ISG20: variants seen among roughly 807,000 people sequenced by gnomAD.
ISG20 encodes the protein interferon stimulated exonuclease gene 20.
Under a neutral mutation model 11.1 loss-of-function variants are expected in ISG20, and 8 were observed. The observed-to-expected ratio is 0.72, with a 90% CI of 0.42 to 1.30. ISG20 has a LOEUF of 1.30. Among genes scored for constraint, ISG20 ranks in the 50% most tolerant of loss-of-function variants. ISG20 has a pLI of 0.01. For missense variants in ISG20, 243 were observed against 250.2 expected (o/e 0.97, Z 0.19); for synonymous variants, 110 against 101.7 (o/e 1.08, Z -0.49).
chr15:88,647,422 C>T (rs2058197016), intron 2 of ISG20: 1 of 152,118 alleles, frequency 6.6e-6, no homozygotes, highest in Non-Finnish European at 1.5e-5. Flanking sequence ...CAGAGAGCTC[C>T]CAAACATCTC....
chr15:88,649,569 A>AT (rs2058237192), intron 2 of ISG20: 1 of 152,774 alleles, frequency 6.5e-6, no homozygotes, highest in African/African-American at 2.4e-5. Flanking sequence ...GAAAAGACAC[A>AT]TGACCCATGG....
chr15:88,642,632 T>C (rs2058101259), intron 2 of ISG20, among the ~76,000 whole-genome samples: 1 of 151,810 alleles, frequency 6.6e-6, no homozygotes, highest in South Asian at 2.1e-4. Context: ...TTGTTGTTGT[T>C]TTGAGACGAA....
chr15:88,650,453 C>T lies in ISG20; in HGVS notation c.229-1657C>T. The T allele has an allele frequency of 6.9e-7, 1 of 1,457,884 alleles. No individual in the cohort carries two copies. The highest frequency in any genetic ancestry group is 1.4e-5 in the South Asian group (1 of 70,946). 90.3% of individuals were successfully genotyped at this position (1,457,884 alleles called of 1,614,324 possible). ...GCGGGCTCTGGATTCATCCCACTGGCTTCAAGGCCTGGCTTTGCCACTAAC... is the reference window on the plus strand; with the variant it reads ...GCGGGCTCTGGATTCATCCCACTGGTTTCAAGGCCTGGCTTTGCCACTAAC... On this transcript the variant is annotated intron_variant, in intron 2 of 3. Transcript: ENST00000306072. The surrounding 1 kb of genome is among the most constrained non-coding windows in gnomAD (Gnocchi z 4.0).
In ISG20 at chr15:88,639,085, G is replaced by A. The variant is rs573193138; in HGVS notation, c.-25+9G>A. ...GGCGCAGAGGCAGGCAGGTGAGAGC[G>A]GGAGCTGGAGCAGCAGCTGGGGAGG... is the stretch of plus-strand genomic sequence containing the variant. On this transcript the variant is annotated intron_variant, in intron 1 of 3. Transcript: ENST00000306072. The surrounding 1 kb of genome is among the most constrained non-coding windows in gnomAD (Gnocchi z 4.2). 1.3e-5 allele frequency: 7 copies of A among 533,038 alleles called. No homozygotes were observed. The highest frequency in any genetic ancestry group is 7.0e-5 in the Admixed American group (2 of 28,376). The allele number at this position is 533,038 out of a possible 1,614,324, so 33.0% of individuals were successfully genotyped here. A position where few individuals can be genotyped will look rare whatever the true frequency, so the allele number is the denominator to read the frequency against.
chr15:88,641,139 C>T (rs1195161744), intron 2 of ISG20, among the ~76,000 whole-genome samples: 3 of 151,968 alleles, frequency 2.0e-5, no homozygotes, highest in Non-Finnish European at 2.9e-5. Flanking sequence ...ACTACAGGCA[C>T]CCGCCACCAT....
intron 2 of ISG20, chr15:88,647,926 G>A (rs1304928368): frequency 1.3e-5 from 2 of 152,136 alleles, no homozygotes; most frequent in African/African-American, 4.8e-5. Flanking sequence ...TCCTGTTGGG[G>A]CCCTGCCACC....
rs2058283566 is a variant in ISG20, at chr15:88,652,157, G to A, written c.276G>A (p.Lys92=). The A allele has an allele frequency of 2.5e-6, 4 of 1,613,958 alleles. No homozygotes were observed. The highest frequency in any genetic ancestry group is 1.7e-5 in the Admixed American group (1 of 59,996). The change falls in exon 3 of 4, where the codon AAG becomes AAA. Residue 92 remains lysine, a synonymous_variant. Coordinates refer to ENST00000306072, the MANE Select transcript of ISG20 (RefSeq NM_002201.6). ...KGKLVVGHDL[K]HDFQALKEDM... is the part of the protein sequence containing the mutation. ...AGCTGGTGGTGGGTCATGACCTGAA[G>A]CACGACTTCCAGGCACTGAAAGAGG...
In ISG20 at chr15:88,639,609, G is replaced by A. The variant is rs185261108; in HGVS notation, c.228+15G>A. 41 of 1,598,452 alleles carry A rather than the reference G, an allele frequency of 2.6e-5. No individual in the cohort carries two copies. Among genetic ancestry groups the A allele is most frequent in the Middle Eastern group, 3.3e-4 (2 of 6,036 alleles). Reference sequence around the variant, plus strand: ...CCAGGCTAGAGGTGAGTGAAGGCCCGGCCAGCAGGGGCTTTGGAAATAACC... The same window carrying A: ...CCAGGCTAGAGGTGAGTGAAGGCCCAGCCAGCAGGGGCTTTGGAAATAACC... On this transcript the variant is annotated intron_variant, in intron 2 of 3. Transcript: ENST00000306072. The surrounding 1 kb of genome is among the most constrained non-coding windows in gnomAD (Gnocchi z 4.2).
rs772378507 is a variant in ISG20 at position 88,650,269 on chromosome 15, G to A, written c.229-1841G>A. The A allele has an allele frequency of 1.3e-6, 2 of 1,535,694 alleles. No individual in the cohort carries two copies. The highest frequency in any genetic ancestry group is 1.7e-6 in the Non-Finnish European group (2 of 1,146,900). On this transcript the variant is annotated intron_variant, in intron 2 of 3. Coordinates refer to ENST00000306072, the MANE Select transcript of ISG20 (RefSeq NM_002201.6). This position sits in a 1 kb window ranked among gnomAD's most constrained non-coding sequence, Gnocchi z 4.0. Reference sequence around the variant, plus strand: ...CCATCCTCTCCAACGGCAGCTGAGTGAAAGCAAGCTGACTGGCCTGTGTGA... The same window carrying A: ...CCATCCTCTCCAACGGCAGCTGAGTAAAAGCAAGCTGACTGGCCTGTGTGA...
intron 2 of ISG20, among the ~76,000 whole-genome samples, chr15:88,640,616 T>G (rs1365403764): frequency 6.6e-6 from 1 of 152,190 alleles, no homozygotes; most frequent in Non-Finnish European, 1.5e-5. Flanking sequence ...TGTTGGGTTA[T>G]TGCGAGGATT....
intron 2 of ISG20, among the ~76,000 whole-genome samples, chr15:88,640,682 G>A (rs2058065307): frequency 6.6e-6 from 1 of 152,202 alleles, no homozygotes; most frequent in Non-Finnish European, 1.5e-5. Context: ...GTTAGCTATT[G>A]GCTGGGTGCA....
At position 88,639,599 on chromosome 15, in the gene ISG20, G is replaced by C; in HGVS notation, c.228+5G>C. 6.2e-7 allele frequency: 1 copy of C among 1,611,156 alleles called. No individual in the cohort carries two copies. The highest frequency in any genetic ancestry group is 8.5e-7 in the Non-Finnish European group (1 of 1,177,466). On this transcript the variant is annotated splice_donor_5th_base_variant and intron_variant, in intron 2 of 3. Coordinates refer to ENST00000306072, the MANE Select transcript of ISG20 (RefSeq NM_002201.6). This position sits in a 1 kb window ranked among gnomAD's most constrained non-coding sequence, Gnocchi z 4.2. The stretch of plus-strand genomic sequence containing the variant: ...TTTGCCGTGGCCAGGCTAGAGGTGA[G>C]TGAAGGCCCGGCCAGCAGGGGCTTT...
rs1312633267 is a variant in ISG20 at position 88,639,089 on chromosome 15, G to T, written c.-25+13G>T. Reference sequence around the variant, plus strand: ...CAGAGGCAGGCAGGTGAGAGCGGGAGCTGGAGCAGCAGCTGGGGAGGCAGC... The same window carrying T: ...CAGAGGCAGGCAGGTGAGAGCGGGATCTGGAGCAGCAGCTGGGGAGGCAGC... On this transcript the variant is annotated intron_variant, in intron 1 of 3. Coordinates refer to ENST00000306072, the MANE Select transcript of ISG20 (RefSeq NM_002201.6). The surrounding 1 kb of genome is among the most constrained non-coding windows in gnomAD (Gnocchi z 4.2). 2 of 539,766 alleles carry T rather than the reference G, an allele frequency of 3.7e-6. No individual in the cohort carries two copies. The highest frequency in any genetic ancestry group is 7.0e-5 in the Admixed American group (2 of 28,658). 33.4% of individuals were successfully genotyped at this position (539,766 alleles called of 1,614,324 possible).
chr15:88,647,939 GCAGGTCCC>G (rs2058206605), intron 2 of ISG20: 3 of 152,176 alleles, frequency 2.0e-5, no homozygotes, highest in Admixed American at 6.5e-5. Context: ...CTGCCACCTG[GCAGGTCCC>G]TCTGGGTCTC....
chr15:88,647,136 C>G (rs145343229), intron 2 of ISG20: 1 of 152,284 alleles, frequency 6.6e-6, no homozygotes, highest in Non-Finnish European at 1.5e-5. Context: ...GTGAGTGTGC[C>G]CAGCCAGCAG....
upstream of ISG20, among the ~76,000 whole-genome samples, chr15:88,638,103 C>G (rs2058014079): frequency 6.6e-6 from 1 of 152,184 alleles, no homozygotes; most frequent in Admixed American, 6.5e-5. Context: ...ACTTTTCAAA[C>G]CACAGATCTT....
chr15:88,651,749 T>C, intron 2 of ISG20: 2 of 1,050,364 alleles, frequency 1.9e-6, no homozygotes, highest in Admixed American at 4.9e-5. Context: ...CTTTGGGAGG[T>C]CATTATTCTG....
chr15:88,640,138 T>C (rs2058055608), intron 2 of ISG20, among the ~76,000 whole-genome samples: 1 of 152,202 alleles, frequency 6.6e-6, no homozygotes, highest in African/African-American at 2.4e-5. Flanking sequence ...TGTGAGGTCA[T>C]CTCCCCGTCT....
At position 88,652,217 on chromosome 15, in the gene ISG20, T is replaced by C; in HGVS notation, c.336T>C (p.Thr112=). 6.2e-7 allele frequency: 1 copy of C among 1,614,058 alleles called. No individual in the cohort carries two copies. Among genetic ancestry groups the C allele is most frequent in the African/African-American group, 1.3e-5 (1 of 75,022 alleles). ...GCTACACAATCTACGACACGTCCAC[T>C]GACAGGCTGTTGTGGCGTGAGGCCA... ...MSGYTIYDTS[T]DRLLWREAKL... is the part of the protein sequence containing the mutation. Residue 112 remains threonine (T), a synonymous_variant, in exon 3 of 4, where the codon ACT becomes ACC. Coordinates refer to ENST00000306072, the MANE Select transcript of ISG20 (RefSeq NM_002201.6).
Sources: allele counts gnomAD v4.1 joint callset (sites outside exome capture counted in the v4.1 genomes callset), GRCh38; gene constraint gnomAD v4.1.1; non-coding constraint Gnocchi (gnomAD v3.1); transcripts MANE v1.5; gene names NCBI Gene and HGNC (gene_info 2026-07-23, HGNC 2026-07-21).